Variants in KIF6 observed in about 807,000 individuals in gnomAD.
The protein encoded by KIF6 is kinesin-like protein KIF6.
A neutral mutation model predicts 112.7 loss-of-function variants in KIF6; 106 were observed. The ratio of observed to expected loss-of-function variants is 0.94; its 90% CI spans 0.80 to 1.11. The LOEUF (loss-of-function observed/expected upper bound fraction) is 1.11, where lower values mean the gene tolerates loss of function less well. Ranked by LOEUF, KIF6 falls within the 50% of genes least tolerant of loss-of-function variation. The pLI is 0.00. For synonymous variants in KIF6, 339 were observed against 339.9 expected (o/e 1.00, Z 0.03); for missense variants, 929 against 964.0 (o/e 0.96, Z 0.48).
chr6:39,534,692 G>A (rs1228864745), intron 13 of KIF6, among the ~76,000 whole-genome samples: 3 of 151,454 alleles, frequency 2.0e-5, no homozygotes, highest in Admixed American at 1.3e-4. Context: ...CCAACATTCA[G>A]ATTCAGGAAA....
At chr6:39,487,603 C>T (rs73412728) in intron 13 of KIF6, among the ~76,000 whole-genome samples, 2,009 of 152,166 alleles carry the variant, frequency 0.013, 50 homozygotes, top group African/African-American at 0.045. Flanking sequence ...ATTTTTGTTC[C>T]AGACGAGGTA....
At chr6:39,468,693 G>C (rs1319296858) in intron 13 of KIF6, among the ~76,000 whole-genome samples, 1 of 151,712 alleles carries the variant, frequency 6.6e-6, no homozygotes, top group Non-Finnish European at 1.5e-5. Context: ...AAACAGATCT[G>C]CCTTACAAGA....
chr6:39,337,155 T>TCTTTC lies in KIF6; in HGVS notation c.2429-608_2429-607insGAAAG, dbSNP rs1281495138. Reference sequence around the variant, plus strand: ...TCCTTCCTTCCTTCCTTTCTCTTTCTTTTCTTTCTTTCCTTCCTTCTTTCT... The same window carrying TCTTTC: ...TCCTTCCTTCCTTCCTTTCTCTTTCTCTTTCTTTCTTTCTTTCCTTCCTTCTTTCT... On this transcript the variant is annotated intron_variant, in intron 22 of 22. Transcript: ENST00000287152. Among the ~76,000 whole-genome samples the TCTTTC allele has an allele frequency of 7.8e-4, 42 of 53,696 alleles. 2 individuals are homozygous for TCTTTC. The highest frequency in any genetic ancestry group is 5.6e-3 in the African/African-American group (38 of 6,790). The allele number at this position is 53,696 out of a possible 152,430, so 35.2% of individuals were successfully genotyped here. A position where few individuals can be genotyped will look rare whatever the true frequency, so the allele number is the denominator to read the frequency against.
At chr6:39,556,172 T>C (rs1196916881) in intron 10 of KIF6, among the ~76,000 whole-genome samples, 1 of 152,192 alleles carries the variant, frequency 6.6e-6, no homozygotes, top group Non-Finnish European at 1.5e-5. Flanking sequence ...TACATTTACT[T>C]TTTGAACTTC....
In KIF6 at chr6:39,638,919, A is replaced by G. The variant is rs557722227; in HGVS notation, c.399+691T>C. Among the ~76,000 whole-genome samples the G allele has an allele frequency of 2.9e-3, 449 of 152,216 alleles. 2 individuals are homozygous for G. The highest frequency in any genetic ancestry group is 9.9e-3 in the African/African-American group (410 of 41,564). ...TCCGAGGTATAGAAGCAATATACAT[A>G]ATGGCACAAAGCACAGAGTTAGACA... On this transcript the variant is annotated intron_variant, in intron 4 of 22. Transcript: ENST00000287152.
intron 13 of KIF6, among the ~76,000 whole-genome samples, chr6:39,455,797 A>T (rs1187507512): frequency 6.6e-6 from 1 of 151,562 alleles, no homozygotes; most frequent in East Asian, 1.9e-4. Flanking sequence ...GAATGAAATG[A>T]AGCGAGAAGG....
chr6:39,454,388 G>C (rs1772901765), intron 13 of KIF6, among the ~76,000 whole-genome samples: 1 of 151,928 alleles, frequency 6.6e-6, no homozygotes, highest in South Asian at 2.1e-4. Flanking sequence ...TGGAGGAAAG[G>C]CAATATTAGA....
chr6:39,385,187 T>A (rs1193690162), intron 16 of KIF6, among the ~76,000 whole-genome samples: 4 of 152,246 alleles, frequency 2.6e-5, no homozygotes, highest in Non-Finnish European at 1.5e-5. Context: ...TTTGGACTGC[T>A]GTGGATGAAA....
At chr6:39,616,179 T>G (rs1783508400) in intron 5 of KIF6, among the ~76,000 whole-genome samples, 1 of 152,224 alleles carries the variant, frequency 6.6e-6, no homozygotes, top group African/African-American at 2.4e-5. Flanking sequence ...AAGTGTTAAA[T>G]GTCATCAGTG....
chr6:39,545,591 G>T lies in KIF6; in HGVS notation c.1279C>A (p.His427Asn), dbSNP rs1023587805. Residue 427 changes from histidine to asparagine, a missense_variant, in exon 11 of 23, where the codon CAT becomes AAT. Physicochemically the swap from His to Asn is moderately conservative, Grantham distance 68. Transcript: ENST00000287152. ...DMRKVHHCFHHLKKLLNDKKI... is the reference protein window; with the variant it reads ...DMRKVHHCFHNLKKLLNDKKI... ...GAAACATTTAAGTTTACCTTTAAAT[G>T]ATGAAAACAGTGATGAACTTTACGC... 6.8e-6 allele frequency: 11 copies of T among 1,608,008 alleles called. No homozygotes were observed. The highest frequency in any genetic ancestry group is 8.5e-6 in the Non-Finnish European group (10 of 1,174,946).
At chr6:39,341,430 C>T (rs1044997417) in intron 22 of KIF6, among the ~76,000 whole-genome samples, 1 of 152,178 alleles carries the variant, frequency 6.6e-6, no homozygotes, top group Non-Finnish European at 1.5e-5. Flanking sequence ...TCTCTGCTTC[C>T]TCTCTCTCCG....
At chr6:39,612,559 G>A (rs1783273495) in intron 6 of KIF6, among the ~76,000 whole-genome samples, 1 of 152,152 alleles carries the variant, frequency 6.6e-6, no homozygotes, top group Non-Finnish European at 1.5e-5. Context: ...AAATTTGAAT[G>A]TCAGATTAAC....
At chr6:39,679,791 A>AT (rs1385790356) in intron 3 of KIF6, among the ~76,000 whole-genome samples, 16 of 148,692 alleles carry the variant, frequency 1.1e-4, no homozygotes, top group Admixed American at 2.7e-4. Flanking sequence ...AATTTTTTGT[A>AT]TTTTTTTAGT....
At chr6:39,374,525 C>T (rs1766275208) in intron 16 of KIF6, among the ~76,000 whole-genome samples, 1 of 152,090 alleles carries the variant, frequency 6.6e-6, no homozygotes. Context: ...AGCAACTCAA[C>T]AGCAAGAAAA....
intron 3 of KIF6, among the ~76,000 whole-genome samples, chr6:39,662,144 T>C (rs1236936692): frequency 6.6e-6 from 1 of 152,214 alleles, no homozygotes; most frequent in Non-Finnish European, 1.5e-5. Flanking sequence ...ATGACTTTAA[T>C]TTAAAACATA....
chr6:39,521,843 C>CT (rs1582040412), intron 13 of KIF6, among the ~76,000 whole-genome samples: 2 of 152,188 alleles, frequency 1.3e-5, no homozygotes, highest in East Asian at 3.8e-4. Context: ...GGCCTGTACC[C>CT]TCAAGGATAA....
intron 15 of KIF6, among the ~76,000 whole-genome samples, chr6:39,390,236 T>C (rs1265170196): frequency 6.6e-6 from 1 of 152,168 alleles, no homozygotes. Flanking sequence ...GAGCAAGGGA[T>C]AACGCACCAG....
Position 39,581,328 on chromosome 6 carries a change from C to T in KIF6, c.1078-3169G>A, listed in dbSNP as rs202178417. ...AATTACTAGTGCCTGCCACCATGCT[C>T]GGCTAATTTCTGTATTTTTAGTAGA... On this transcript the variant is annotated intron_variant, in intron 9 of 22. Coordinates refer to ENST00000287152, the MANE Select transcript of KIF6 (RefSeq NM_145027.6). Among the ~76,000 whole-genome samples, 16 of 151,912 alleles carry T rather than the reference C, an allele frequency of 1.1e-4. No individual in the cohort carries two copies. The East Asian group carries it at 1.9e-3, about 18-fold the overall frequency.
At chr6:39,685,536 G>A (rs549999972) in intron 3 of KIF6, among the ~76,000 whole-genome samples, 7 of 152,332 alleles carry the variant, frequency 4.6e-5, no homozygotes, top group South Asian at 4.1e-4. Flanking sequence ...CCAGAGAAGC[G>A]TATTAGGACT....
Sources: allele counts gnomAD v4.1 joint callset (sites outside exome capture counted in the v4.1 genomes callset), GRCh38; gene constraint gnomAD v4.1.1; transcripts MANE v1.5; gene names NCBI Gene and HGNC (gene_info 2026-07-23, HGNC 2026-07-21).